Variants in NCOA3 observed in about 807,000 individuals in gnomAD.
The protein encoded by NCOA3 is nuclear receptor coactivator 3, also known as CBP-interacting protein.
NCOA3 carries 51 observed loss-of-function variants against 158.8 expected under a neutral mutation model. The ratio of observed to expected loss-of-function variants is 0.32; its 90% CI spans 0.26 to 0.41. NCOA3 has a LOEUF of 0.41. Among genes scored for constraint, NCOA3 ranks in the 10% least tolerant of loss-of-function variants. The probability of loss-of-function intolerance (pLI) is 1.00; values close to 1 mark genes in which losing one functional copy is unlikely to be tolerated. For synonymous variants in NCOA3, 537 were observed against 592.4 expected (o/e 0.91, Z 1.36); for missense variants, 1,510 against 1,746.6 (o/e 0.86, Z 2.41).
At position 47,649,058 on chromosome 20, in the gene NCOA3, T is replaced by C. The variant is rs2086737561; in HGVS notation, c.3600T>C (p.Ala1200=). 1.2e-6 allele frequency: 2 copies of C among 1,613,980 alleles called. No homozygotes were observed. The highest frequency in any genetic ancestry group is 1.3e-5 in the African/African-American group (1 of 74,920). The part of the protein sequence containing the change: ...ALELKMENPT[A]GGAAVMRPMM... The stretch of plus-strand genomic sequence containing the variant: ...AATTGAAAATGGAAAACCCTACTGC[T>C]GGTGGTGCTGCGGTGATGAGGCCTA... The change falls in exon 19 of 23, where the codon GCT becomes GCC. Residue 1200 remains alanine (A), a synonymous_variant. Coordinates refer to ENST00000371998, the MANE Select transcript of NCOA3 (RefSeq NM_181659.3).
intron 2 of NCOA3, among the ~76,000 whole-genome samples, chr20:47,597,855 C>A (rs915585673): frequency 6.6e-6 from 1 of 151,976 alleles, no homozygotes; most frequent in Non-Finnish European, 1.5e-5. Context: ...TCTCTTCTTG[C>A]ATGTTGTCTG....
At chr20:47,614,698 T>C (rs1356381398) in intron 2 of NCOA3, among the ~76,000 whole-genome samples, 1 of 152,122 alleles carries the variant, frequency 6.6e-6, no homozygotes, top group Admixed American at 6.6e-5. Flanking sequence ...TCTCAAATTT[T>C]CCTTTTGCTG....
intron 1 of NCOA3, among the ~76,000 whole-genome samples, chr20:47,509,286 T>C (rs2084077799): frequency 6.6e-6 from 1 of 152,078 alleles, no homozygotes; most frequent in Non-Finnish European, 1.5e-5. Context: ...CCCAGCCGCA[T>C]GTGAGACTGA....
intron 10 of NCOA3, among the ~76,000 whole-genome samples, chr20:47,634,632 C>A (rs1380924476): frequency 6.6e-6 from 1 of 152,058 alleles, no homozygotes; most frequent in East Asian, 1.9e-4. Flanking sequence ...TTTGCAGGTA[C>A]CCCCAGGTGA....
In NCOA3 at chr20:47,556,848, G is replaced by A. The variant is rs142893935; in HGVS notation, c.-98-26335G>A. 2.3e-4 allele frequency among the ~76,000 whole-genome samples: 35 copies of A among 152,322 alleles called. 1 individual carries two copies. The East Asian group carries it at 3.5e-3, about 15-fold the overall frequency. ...AACATTGTTTTTAAAAGTTTACAAA[G>A]TAGAATATATGTGAAAAGTGAAAGC... On this transcript the variant is annotated intron_variant, in intron 1 of 22. Coordinates refer to ENST00000371998, the MANE Select transcript of NCOA3 (RefSeq NM_181659.3).
At chr20:47,505,716 TG>T (rs1412621548) in intron 1 of NCOA3, among the ~76,000 whole-genome samples, 5 of 152,112 alleles carry the variant, frequency 3.3e-5, no homozygotes, top group African/African-American at 1.2e-4. Flanking sequence ...TTCAAAAAAT[TG>T]AAAAACAAGG....
chr20:47,639,170 T>C lies in NCOA3; in HGVS notation c.2675T>C (p.Met892Thr). 6.2e-7 allele frequency: 1 copy of C among 1,614,116 alleles called. No individual in the cohort carries two copies. Among genetic ancestry groups the C allele is most frequent in the Non-Finnish European group, 8.5e-7 (1 of 1,179,968 alleles). The change falls in exon 14 of 23, where the codon ATG (methionine) becomes ACG (threonine). Residue 892 changes from methionine (M) to threonine (T), a missense_variant. By Grantham distance (81) the Met-to-Thr change is moderately conservative. This residue lies in a region of NCOA3 where 1,017 missense variants were observed against 1,098.3 expected (regional missense o/e 0.93). Coordinates refer to ENST00000371998, the MANE Select transcript of NCOA3 (RefSeq NM_181659.3). ...QPMLGGNPRM[M>T]DSQENYGSSM... Reference sequence around the variant, plus strand: ...ATGTTGGGTGGGAATCCAAGAATGATGGATAGTCAGGAAAATTATGGCTCA... The same window carrying C: ...ATGTTGGGTGGGAATCCAAGAATGACGGATAGTCAGGAAAATTATGGCTCA...
rs749557167 is a variant in NCOA3, at chr20:47,635,318, G to T, written c.1113-4G>T. On this transcript the variant is annotated splice_region_variant and splice_polypyrimidine_tract_variant and intron_variant, in intron 10 of 22. Coordinates refer to ENST00000371998, the MANE Select transcript of NCOA3 (RefSeq NM_181659.3). ...TTAGTAAAAGTTTGATGTTTGTTTT[G>T]CAGAGAACAGAATGGATATAGACCA... 6.4e-7 allele frequency: 1 copy of T among 1,565,684 alleles called. No homozygotes were observed. The highest frequency in any genetic ancestry group is 1.1e-5 in the South Asian group (1 of 87,532).
At chr20:47,517,364 GA>G (rs2084250821) in intron 1 of NCOA3, among the ~76,000 whole-genome samples, 1 of 151,996 alleles carries the variant, frequency 6.6e-6, no homozygotes, top group South Asian at 2.1e-4. Flanking sequence ...AATCCCAGTT[GA>G]AAAGGACTTT....
At chr20:47,518,175 C>T (rs1413749959) in intron 1 of NCOA3, among the ~76,000 whole-genome samples, 1 of 151,204 alleles carries the variant, frequency 6.6e-6, no homozygotes, top group East Asian at 1.9e-4. Context: ...AGGGAGACCC[C>T]GTCTCTGCCA....
intron 1 of NCOA3, among the ~76,000 whole-genome samples, chr20:47,577,995 C>T (rs538917189): frequency 5.3e-5 from 8 of 152,066 alleles, no homozygotes; most frequent in Non-Finnish European, 1.2e-4. Flanking sequence ...CCTTGTCCCC[C>T]ACTCCCTTAT....
intron 1 of NCOA3, among the ~76,000 whole-genome samples, chr20:47,578,549 T>C (rs1222587085): frequency 6.6e-6 from 1 of 152,236 alleles, no homozygotes; most frequent in East Asian, 1.9e-4. Flanking sequence ...CTCCTTTCAT[T>C]ATAGCTACAG....
intron 2 of NCOA3, among the ~76,000 whole-genome samples, chr20:47,591,133 GAAAAAAC>G (rs999289625): frequency 6.6e-6 from 1 of 151,942 alleles, no homozygotes; most frequent in Non-Finnish European, 1.5e-5. Flanking sequence ...AAAGACAAAA[GAAAAAAC>G]AAAAGAAAAA....
intron 2 of NCOA3, among the ~76,000 whole-genome samples, chr20:47,621,131 T>C (rs575448523): frequency 9.8e-5 from 15 of 152,372 alleles, no homozygotes; most frequent in South Asian, 8.3e-4. Flanking sequence ...ACCAAAGTTA[T>C]AGAATGAATT....
Position 47,656,761 on chromosome 20 carries a change from T to TTTATC in NCOA3, c.*3347_*3351dup, listed in dbSNP as rs1415397966. The TTTATC allele has an allele frequency of 6.6e-6, 1 of 152,578 alleles. No individual in the cohort carries two copies. The highest frequency in any genetic ancestry group is 2.4e-5 in the African/African-American group (1 of 41,450). The allele number at this position is 152,578 out of a possible 1,614,324, so 9.5% of individuals were successfully genotyped here. On this transcript the variant is annotated 3_prime_UTR_variant, in exon 23 of 23. Transcript: ENST00000371998. ...TTGCTTAAAAAAATAGAAATTATTC[T>TTTATC]TTATCTTGCAAAGAATTGAAACCAC...
At chr20:47,516,228 C>G (rs2084231905) in intron 1 of NCOA3, among the ~76,000 whole-genome samples, 1 of 152,062 alleles carries the variant, frequency 6.6e-6, no homozygotes, top group Non-Finnish European at 1.5e-5. Context: ...ACAAATGTAT[C>G]AAGATGGTGG....
intron 16 of NCOA3, among the ~76,000 whole-genome samples, chr20:47,640,794 A>C (rs1322157645): frequency 6.6e-6 from 1 of 151,554 alleles, no homozygotes; most frequent in African/African-American, 2.4e-5. Context: ...AGGCTGAGGA[A>C]GGAGAATGGC....
At chr20:47,517,391 G>C (rs1279663288) in intron 1 of NCOA3, among the ~76,000 whole-genome samples, 1 of 151,140 alleles carries the variant, frequency 6.6e-6, no homozygotes, top group Non-Finnish European at 1.5e-5. Flanking sequence ...CTCTGAACTT[G>C]TGAACCACCT....
intron 1 of NCOA3, among the ~76,000 whole-genome samples, chr20:47,553,867 A>G (rs968863464): frequency 1.3e-5 from 2 of 152,122 alleles, no homozygotes; most frequent in Non-Finnish European, 2.9e-5. Flanking sequence ...ATATGTGTGC[A>G]TGTGTCTTTA....
Sources: allele counts gnomAD v4.1 joint callset (sites outside exome capture counted in the v4.1 genomes callset), GRCh38; gene constraint gnomAD v4.1.1; regional missense constraint gnomAD v4.1.1; transcripts MANE v1.5; gene names NCBI Gene and HGNC (gene_info 2026-07-23, HGNC 2026-07-21).